The following MLLT3 variants were observed in gnomAD, a reference collection of about 807,000 sequenced individuals.
MLLT3 encodes protein AF-9.
MLLT3 carries 4 observed loss-of-function variants against 53.2 expected under a neutral mutation model. The observed-to-expected ratio is 0.08, with a 90% CI of 0.04 to 0.17. The LOEUF is 0.17. Among genes scored for constraint, MLLT3 ranks in the 10% least tolerant of loss-of-function variants. The pLI is 1.00. For synonymous variants in MLLT3, 283 were observed against 230.6 expected, an observed-to-expected ratio of 1.23 and a Z score of -2.06; for missense variants, 569 against 684.0, an observed-to-expected ratio of 0.83 and a Z score of 1.87.
chr9:20,526,468 T>C (rs540049185), intron 2 of MLLT3, among the ~76,000 whole-genome samples: 51 of 152,328 alleles, frequency 3.3e-4, no homozygotes, highest in African/African-American at 1.2e-3. Flanking sequence ...GTATGGCTTA[T>C]GCATAGAATA....
chr9:20,459,443 C>G (rs970339806), intron 2 of MLLT3, among the ~76,000 whole-genome samples: 1 of 152,218 alleles, frequency 6.6e-6, no homozygotes, highest in African/African-American at 2.4e-5. Context: ...GCCCCCACCC[C>G]ACCTTAGCAA....
intron 5 of MLLT3, among the ~76,000 whole-genome samples, chr9:20,394,664 G>A (rs1048549960): frequency 6.6e-6 from 1 of 151,998 alleles, no homozygotes; most frequent in South Asian, 2.1e-4. Context: ...CACCTTTTCT[G>A]GGGGTTACCT....
At chr9:20,619,302 C>T (rs914412699) in intron 2 of MLLT3, among the ~76,000 whole-genome samples, 4 of 152,186 alleles carry the variant, frequency 2.6e-5, no homozygotes, top group African/African-American at 9.7e-5. Context: ...CCATCAAATT[C>T]AACCGTTCAA....
chr9:20,585,927 G>T (rs1386155445), intron 2 of MLLT3, among the ~76,000 whole-genome samples: 4 of 152,140 alleles, frequency 2.6e-5, no homozygotes, highest in African/African-American at 9.7e-5. Flanking sequence ...ATCACCAATG[G>T]TCAGCCTGAC....
intron 2 of MLLT3, among the ~76,000 whole-genome samples, chr9:20,510,383 T>A (rs2118959337): frequency 6.6e-6 from 1 of 152,156 alleles, no homozygotes; most frequent in South Asian, 2.1e-4. Context: ...GAGGCCAAGG[T>A]GGGCAGATCA....
rs1331569234 is a variant in MLLT3, at chr9:20,362,463, C to T, written c.1331+1013G>A. Among the ~76,000 whole-genome samples, 3 of 152,088 alleles carry T rather than the reference C, an allele frequency of 2.0e-5. No homozygotes were observed. In the East Asian group the frequency reaches 5.8e-4, roughly 29 times the overall value. On this transcript the variant is annotated intron_variant, in intron 7 of 10. Coordinates refer to ENST00000380338, the MANE Select transcript of MLLT3 (RefSeq NM_004529.4). The stretch of plus-strand genomic sequence containing the variant: ...CCCTATCAGTTTCCTTTTTATCAGA[C>T]AAAAGACTTCTAAAGGGAAATGTTA...
At chr9:20,416,567 T>G (rs993251274) in intron 4 of MLLT3, among the ~76,000 whole-genome samples, 1 of 152,082 alleles carries the variant, frequency 6.6e-6, no homozygotes, top group Non-Finnish European at 1.5e-5. Context: ...AAAGTTAAGT[T>G]CCTTTTTTAA....
In MLLT3 at chr9:20,343,730, A is replaced by G. The variant is rs1820798202; in HGVS notation, c.*2713T>C. ...TTTTATTTGAAACATCTATTTATAT[A>G]TGTACACCAAAGAAATTAAACCCTG... On this transcript the variant is annotated 3_prime_UTR_variant, in exon 11 of 11. Transcript: ENST00000380338. 2 of 217,196 alleles carry G rather than the reference A, an allele frequency of 9.2e-6. No homozygotes were observed. The highest frequency in any genetic ancestry group is 1.2e-4 in the Admixed American group (2 of 17,154). 13.5% of individuals were successfully genotyped at this position (217,196 alleles called of 1,614,324 possible). A position where few individuals can be genotyped will look rare whatever the true frequency, so the allele number is the denominator to read the frequency against.
At chr9:20,403,235 A>T (rs1048185812) in intron 5 of MLLT3, among the ~76,000 whole-genome samples, 14 of 152,222 alleles carry the variant, frequency 9.2e-5, no homozygotes, top group African/African-American at 3.4e-4. Flanking sequence ...CTTGTTCTAA[A>T]AACTCTGTGA....
intron 5 of MLLT3, among the ~76,000 whole-genome samples, chr9:20,386,240 T>C (rs1386704035): frequency 1.3e-5 from 2 of 152,210 alleles, no homozygotes; most frequent in Admixed American, 1.3e-4. Context: ...AGTCAGTTTA[T>C]GTTTAGGGCA....
intron 2 of MLLT3, among the ~76,000 whole-genome samples, chr9:20,483,652 A>G (rs919417004): frequency 6.6e-6 from 1 of 151,286 alleles, no homozygotes; most frequent in African/African-American, 2.4e-5. Context: ...GTAAGACTCA[A>G]TATGACTTGA....
intron 5 of MLLT3, among the ~76,000 whole-genome samples, chr9:20,375,156 A>G (rs1225207661): frequency 6.6e-6 from 1 of 152,256 alleles, no homozygotes; most frequent in Non-Finnish European, 1.5e-5. Flanking sequence ...TTGTTATGGC[A>G]GCCCAAGCTG....
At position 20,469,122 on chromosome 9, in the gene MLLT3, A is replaced by G. The variant is rs192957002; in HGVS notation, c.194-12336T>C. On this transcript the variant is annotated intron_variant, in intron 2 of 10. Transcript: ENST00000380338. ...TTAGATTTTCATTGTTTCCATTCTT[A>G]CTTGGGAGTCACCTTAAATGTGTCA... Among the ~76,000 whole-genome samples the G allele has an allele frequency of 6.2e-3, 941 of 152,304 alleles. 11 individuals carry two copies. The highest frequency in any genetic ancestry group is 8.0e-3 in the Non-Finnish European group (542 of 68,008).
chr9:20,398,681 C>T (rs1355553269), intron 5 of MLLT3, among the ~76,000 whole-genome samples: 2 of 152,034 alleles, frequency 1.3e-5, no homozygotes, highest in Admixed American at 1.3e-4. Context: ...CCTGCACAGC[C>T]CCTATAGGAA....
At chr9:20,521,229 T>G (rs1818049631) in intron 2 of MLLT3, among the ~76,000 whole-genome samples, 1 of 152,064 alleles carries the variant, frequency 6.6e-6, no homozygotes, top group African/African-American at 2.4e-5. Context: ...CACCATCGCA[T>G]CCGGCTACTT....
chr9:20,537,759 G>T (rs2119006168), intron 2 of MLLT3, among the ~76,000 whole-genome samples: 1 of 152,270 alleles, frequency 6.6e-6, no homozygotes, highest in South Asian at 2.1e-4. Context: ...AGATCCTGCA[G>T]ATGATTTATT....
chr9:20,481,866 C>A (rs537206000), intron 2 of MLLT3, among the ~76,000 whole-genome samples: 1 of 152,280 alleles, frequency 6.6e-6, no homozygotes, highest in East Asian at 1.9e-4. Flanking sequence ...AAGAGGAATA[C>A]CTTACTTAGC....
chr9:20,408,404 G>A (rs1015852792), intron 5 of MLLT3, among the ~76,000 whole-genome samples: 1 of 151,848 alleles, frequency 6.6e-6, no homozygotes, highest in Non-Finnish European at 1.5e-5. Flanking sequence ...AAAAAAATGC[G>A]TTAGAAAATA....
chr9:20,601,833 A>C (rs1820430145), intron 2 of MLLT3, among the ~76,000 whole-genome samples: 1 of 152,118 alleles, frequency 6.6e-6, no homozygotes, highest in African/African-American at 2.4e-5. Context: ...ATAGCACCAA[A>C]TTGTCAAATC....
Sources: allele counts gnomAD v4.1 joint callset (sites outside exome capture counted in the v4.1 genomes callset), GRCh38; gene constraint gnomAD v4.1.1; transcripts MANE v1.5; gene names NCBI Gene and HGNC (gene_info 2026-07-23, HGNC 2026-07-21).